Variants in EYS observed in about 807,000 individuals in gnomAD.
EYS encodes the protein EGF-like photoreceptor maintenance factor, also known as protein eyes shut homolog.
Under a neutral mutation model 282.1 loss-of-function variants are expected in EYS, and 250 were observed. The observed-to-expected ratio is 0.89, with a 90% CI of 0.80 to 0.98. The LOEUF (loss-of-function observed/expected upper bound fraction) is 0.98. EYS is among the 50% of genes least tolerant of loss of function. The probability of loss-of-function intolerance (pLI) is 0.00; values close to 1 mark genes in which losing one functional copy is unlikely to be tolerated. For synonymous variants in EYS, 1,355 were observed against 1,282.9 expected (o/e 1.06, Z -1.20); for missense variants, 4,016 against 3,709.0 (o/e 1.08, Z -2.15).
At chr6:64,722,394 G>C (rs1350405492) in intron 22 of EYS, among the ~76,000 whole-genome samples, 1 of 151,936 alleles carries the variant, frequency 6.6e-6, no homozygotes, top group Non-Finnish European at 1.5e-5. Flanking sequence ...CAGAGTATGG[G>C]AAATGGTCAG....
At chr6:65,116,731 G>A (rs1167528766) in intron 12 of EYS, among the ~76,000 whole-genome samples, 5 of 152,052 alleles carry the variant, frequency 3.3e-5, no homozygotes, top group Non-Finnish European at 7.4e-5. Flanking sequence ...AACAGAGATG[G>A]TTGCATTTAC....
chr6:65,149,094 A>G (rs1329001193), intron 12 of EYS, among the ~76,000 whole-genome samples: 2 of 152,044 alleles, frequency 1.3e-5, no homozygotes, highest in Non-Finnish European at 1.5e-5. Flanking sequence ...CATTTTCCCC[A>G]TTATCCTGGT....
chr6:65,654,587 T>G (rs1183918607), intron 1 of EYS, among the ~76,000 whole-genome samples: 1 of 151,802 alleles, frequency 6.6e-6, no homozygotes, highest in Non-Finnish European at 1.5e-5. Context: ...TCTAAAGTGT[T>G]AAAGATTCTG....
At chr6:65,524,841 A>G (rs955057920) in intron 2 of EYS, among the ~76,000 whole-genome samples, 1 of 152,226 alleles carries the variant, frequency 6.6e-6, no homozygotes, top group Non-Finnish European at 1.5e-5. Context: ...TGCCTCTTTT[A>G]TGACAGAAGT....
chr6:63,948,638 CCTT>C (rs927170346), intron 35 of EYS, among the ~76,000 whole-genome samples: 2 of 152,110 alleles, frequency 1.3e-5, no homozygotes, highest in African/African-American at 4.8e-5. Flanking sequence ...CTTTCTCTCT[CCTT>C]CTCCTGAACC....
intron 31 of EYS, among the ~76,000 whole-genome samples, chr6:64,203,538 A>G (rs997109900): frequency 2.6e-5 from 4 of 152,180 alleles, no homozygotes; most frequent in Non-Finnish European, 4.4e-5. Context: ...AAGGCAATGT[A>G]GCTCATGCAT....
intron 36 of EYS, among the ~76,000 whole-genome samples, chr6:63,853,678 C>A (rs760103884): frequency 6.6e-6 from 1 of 152,156 alleles, no homozygotes; most frequent in Non-Finnish European, 1.5e-5. Context: ...ATACCCAAGA[C>A]AATCCTAAGC....
At chr6:64,169,839 G>T (rs965348561) in intron 31 of EYS, among the ~76,000 whole-genome samples, 1 of 152,116 alleles carries the variant, frequency 6.6e-6, no homozygotes, top group Non-Finnish European at 1.5e-5. Context: ...CAAATGGAAG[G>T]TAACCTGCAC....
chr6:64,471,991 G>C (rs1776136429), intron 26 of EYS, among the ~76,000 whole-genome samples: 2 of 152,004 alleles, frequency 1.3e-5, no homozygotes, highest in African/African-American at 4.8e-5. Context: ...AAAAAAATTT[G>C]AGGTGATAGA....
At chr6:64,129,819 G>T (rs1773910270) in intron 31 of EYS, among the ~76,000 whole-genome samples, 1 of 152,184 alleles carries the variant, frequency 6.6e-6, no homozygotes, top group South Asian at 2.1e-4. Flanking sequence ...AAGGTGTAAG[G>T]AAGGGATCCA....
intron 12 of EYS, among the ~76,000 whole-genome samples, chr6:65,181,084 G>A (rs1227891060): frequency 6.6e-6 from 1 of 152,056 alleles, no homozygotes; most frequent in Middle Eastern, 3.2e-3. Context: ...TTAAATGTTA[G>A]ACCTGAAACC....
rs905684794 is a variant in EYS, at chr6:64,915,054, T to C, written c.2382-2311A>G. On this transcript the variant is annotated intron_variant, in intron 15 of 42. Coordinates refer to ENST00000503581, the MANE Select transcript of EYS (RefSeq NM_001142800.2). ...GCCTGGAGAGACTTGGTTCAGTTTGTTGTTCTGATATAATTTTCAGGGCAT... is the reference window on the plus strand; with the variant it reads ...GCCTGGAGAGACTTGGTTCAGTTTGCTGTTCTGATATAATTTTCAGGGCAT... 3.9e-5 allele frequency among the ~76,000 whole-genome samples: 6 copies of C among 152,152 alleles called. No individual in the cohort carries two copies. In the South Asian group the frequency reaches 6.2e-4, roughly 16 times the overall value.
Position 65,494,961 on chromosome 6 carries a change from T to G in EYS, c.450A>C (p.Thr150=). 2 of 1,614,160 alleles carry G rather than the reference T, an allele frequency of 1.2e-6. No homozygotes were observed. Among genetic ancestry groups the G allele is most frequent in the Non-Finnish European group, 1.7e-6 (2 of 1,180,020 alleles). ...WLSVGTHYFI[T]VMASGPSPCP... ...AAGGTGATGGACCACTTGCCATAAC[T>G]GTGATAAAATAATGTGTCCCAACAC... is the stretch of plus-strand genomic sequence containing the variant. The change falls in exon 4 of 43, where the codon ACA becomes ACC. Residue 150 remains threonine, a synonymous_variant. Coordinates refer to ENST00000503581, the MANE Select transcript of EYS (RefSeq NM_001142800.2).
At chr6:65,590,198 C>T (rs2127367271) in intron 2 of EYS, among the ~76,000 whole-genome samples, 1 of 152,116 alleles carries the variant, frequency 6.6e-6, no homozygotes, top group South Asian at 2.1e-4. Flanking sequence ...GAAAGGGTAG[C>T]ATGGAACCTT....
At chr6:64,154,253 C>G (rs1487217988) in intron 31 of EYS, among the ~76,000 whole-genome samples, 2 of 151,800 alleles carry the variant, frequency 1.3e-5, no homozygotes, top group Non-Finnish European at 2.9e-5. Context: ...CCAGCCTGAC[C>G]AACATGGAAA....
At chr6:65,413,815 C>T (rs571625410) in intron 5 of EYS, among the ~76,000 whole-genome samples, 54 of 152,060 alleles carry the variant, frequency 3.6e-4, no homozygotes, top group African/African-American at 1.2e-3. Flanking sequence ...GAGATTGCGC[C>T]ACTGCACTCC....
chr6:64,283,982 T>C (rs1447000018), intron 30 of EYS, among the ~76,000 whole-genome samples: 1 of 152,086 alleles, frequency 6.6e-6, no homozygotes, highest in Non-Finnish European at 1.5e-5. Context: ...CAAGATCAGA[T>C]TTGGATGAGG....
chr6:64,419,769 T>C (rs950931517), intron 28 of EYS, among the ~76,000 whole-genome samples: 14 of 152,232 alleles, frequency 9.2e-5, no homozygotes, highest in Admixed American at 9.2e-4. Flanking sequence ...ACTGCCCCTG[T>C]GGCTTTGCAG....
At chr6:65,689,305 A>G (rs1283529581) in intron 1 of EYS, among the ~76,000 whole-genome samples, 1 of 149,680 alleles carries the variant, frequency 6.7e-6, no homozygotes, top group Non-Finnish European at 1.5e-5. Flanking sequence ...GTTCTCACTC[A>G]TAGGTGGGAA....
Sources: allele counts gnomAD v4.1 joint callset (sites outside exome capture counted in the v4.1 genomes callset), GRCh38; gene constraint gnomAD v4.1.1; transcripts MANE v1.5; gene names NCBI Gene and HGNC (gene_info 2026-07-23, HGNC 2026-07-21).